Variants in LATS2 observed in about 807,000 individuals in gnomAD.
LATS2 encodes serine/threonine-protein kinase LATS2.
In LATS2, 24 loss-of-function variants were observed where a neutral mutation model predicts 76.0. The ratio of observed to expected loss-of-function variants is 0.32; its 90% CI spans 0.23 to 0.44. The LOEUF (loss-of-function observed/expected upper bound fraction) is 0.44, where lower values mean the gene tolerates loss of function less well. Ranked by LOEUF, LATS2 falls within the 20% of genes least tolerant of loss-of-function variation. The pLI is 1.00. For missense variants in LATS2, 1,286 were observed against 1,481.2 expected (o/e 0.87, Z 2.16); for synonymous variants, 692 against 635.4 (o/e 1.09, Z -1.34).
At chr13:21,049,989 C>T (rs1873207290) in intron 1 of LATS2, among the ~76,000 whole-genome samples, 1 of 151,940 alleles carries the variant, frequency 6.6e-6, no homozygotes, top group Non-Finnish European at 1.5e-5. Flanking sequence ...GGTGTGACAG[C>T]ACACCCCTGT....
rs1236096908 is a variant in LATS2, at chr13:21,045,665, C to T, written c.342+20G>A. On this transcript the variant is annotated intron_variant, in intron 2 of 7. Transcript: ENST00000382592. ...CCCATAGCTGCCTCTGCACATGGCC[C>T]TGCAGAGGTCTGTACCCACCTGGTC... 1 of 1,591,714 alleles carries T rather than the reference C, an allele frequency of 6.3e-7. No homozygotes were observed. The highest frequency in any genetic ancestry group is 1.3e-5 in the African/African-American group (1 of 74,562).
chr13:21,024,134 T>TG (rs1872207349), intron 2 of LATS2, among the ~76,000 whole-genome samples: 1 of 144,680 alleles, frequency 6.9e-6, no homozygotes, highest in Admixed American at 6.8e-5. Context: ...AAAAACAGCT[T>TG]GAAAAATAAC....
At chr13:21,017,498 A>T (rs1049695059) in intron 2 of LATS2, among the ~76,000 whole-genome samples, 1 of 152,118 alleles carries the variant, frequency 6.6e-6, no homozygotes, top group Non-Finnish European at 1.5e-5. Flanking sequence ...GTTATGTGCA[A>T]CCCACAAAAC....
At position 20,973,408 on chromosome 13, in the gene LATS2, C is replaced by A; in HGVS notation, c.*1462G>T. ...GAATAATATAATGAAAATTATGAAG[C>A]ATCAGATTTTTTAAAAAGCAAAAAA... On this transcript the variant is annotated 3_prime_UTR_variant, in exon 8 of 8. Transcript: ENST00000382592. 2 of 231,730 alleles carry A rather than the reference C, an allele frequency of 8.6e-6. No homozygotes were observed. The highest frequency in any genetic ancestry group is 6.2e-5 in the East Asian group (1 of 16,232). 14.4% of individuals were successfully genotyped at this position (231,730 alleles called of 1,614,324 possible). A position where few individuals can be genotyped will look rare whatever the true frequency, so the allele number is the denominator to read the frequency against.
Position 20,988,376 on chromosome 13 carries a change from C to A in LATS2, c.1404G>T (p.Ala468=). ...VGPSHPAWVP[A]PAPAPAPAPA... is the part of the protein sequence containing the mutation. The stretch of plus-strand genomic sequence containing the variant: ...GGGCGGGGGCGGGGGCCGGGGCAGG[C>A]GCGGGCACCCAGGCGGGGTGCGAGG... The change falls in exon 4 of 8, where the codon GCG becomes GCT. Residue 468 remains alanine (A), a synonymous_variant. Transcript: ENST00000382592. 1 of 1,208,982 alleles carries A rather than the reference C, an allele frequency of 8.3e-7. No homozygotes were observed. The highest frequency in any genetic ancestry group is 1.1e-6 in the Non-Finnish European group (1 of 941,362). The allele number at this position is 1,208,982 out of a possible 1,614,324, so 74.9% of individuals were successfully genotyped here. A position where few individuals can be genotyped will look rare whatever the true frequency, so the allele number is the denominator to read the frequency against.
At chr13:21,050,558 T>C (rs557328304) in intron 1 of LATS2, among the ~76,000 whole-genome samples, 4 of 152,348 alleles carry the variant, frequency 2.6e-5, no homozygotes, top group African/African-American at 9.6e-5. Flanking sequence ...TCAGTTGTCA[T>C]TGCTGCGTAA....
intron 2 of LATS2, among the ~76,000 whole-genome samples, chr13:20,994,415 C>A (rs1391030319): frequency 6.6e-6 from 1 of 152,238 alleles, no homozygotes; most frequent in Non-Finnish European, 1.5e-5. Context: ...TGGGAATCCA[C>A]TTCTAAATCC....
rs1595205131 is a variant in LATS2, at chr13:20,974,418, G to A, written c.*452C>T. On this transcript the variant is annotated 3_prime_UTR_variant, in exon 8 of 8. Coordinates refer to ENST00000382592, the MANE Select transcript of LATS2 (RefSeq NM_014572.3). ...TGGTCTCCGTGACATTGAGCAGAGT[G>A]TTATCTTTTTTTTTTTTTACATTAT... The A allele has an allele frequency of 1.0e-4, 22 of 220,482 alleles. No homozygotes were observed. The East Asian group carries it at 1.5e-3, about 15-fold the overall frequency. 13.7% of individuals were successfully genotyped at this position (220,482 alleles called of 1,614,324 possible).
At position 20,974,846 on chromosome 13, in the gene LATS2, G is replaced by A. The variant is rs1406164167; in HGVS notation, c.*24C>T. ...GGGACCCTGACCTGGGAGGCAGCGA[G>A]TGGTGGGGGTGCCTGGCCCCCATCT... On this transcript the variant is annotated 3_prime_UTR_variant, in exon 8 of 8. Coordinates refer to ENST00000382592, the MANE Select transcript of LATS2 (RefSeq NM_014572.3). 1.9e-6 allele frequency: 3 copies of A among 1,582,320 alleles called. No individual in the cohort carries two copies. The Admixed American group carries it at 5.3e-5, about 28-fold the overall frequency.
intron 4 of LATS2, among the ~76,000 whole-genome samples, chr13:20,986,979 G>T (rs1184637555): frequency 6.6e-6 from 1 of 152,170 alleles, no homozygotes; most frequent in African/African-American, 2.4e-5. Context: ...GATCACCTGA[G>T]GTCAAGAGTT....
chr13:21,032,464 G>C (rs890120998), intron 2 of LATS2, among the ~76,000 whole-genome samples: 3 of 151,986 alleles, frequency 2.0e-5, no homozygotes, highest in African/African-American at 7.3e-5. Context: ...ACGGGTTTTC[G>C]CCATGTTGGC....
At chr13:21,025,739 T>C (rs1359539427) in intron 2 of LATS2, among the ~76,000 whole-genome samples, 1 of 152,202 alleles carries the variant, frequency 6.6e-6, no homozygotes, top group Admixed American at 6.5e-5. Context: ...GGTTCATACA[T>C]GGTGAGGTCT....
At chr13:21,045,587 A>C in intron 2 of LATS2, 98 bp downstream of exon 2, 1 of 858,908 alleles carries the variant, frequency 1.2e-6, no homozygotes. Context: ...ATAAGTAGTA[A>C]CCAATTCAAA....
chr13:21,047,413 C>A (rs1366879435), intron 1 of LATS2, among the ~76,000 whole-genome samples: 2 of 152,170 alleles, frequency 1.3e-5, no homozygotes, highest in African/African-American at 4.8e-5. Flanking sequence ...TAACCAGCTG[C>A]TCTAACCCAG....
chr13:21,036,731 C>T (rs1458084556), intron 2 of LATS2, among the ~76,000 whole-genome samples: 2 of 152,148 alleles, frequency 1.3e-5, no homozygotes, highest in South Asian at 2.1e-4. Flanking sequence ...CAAGATGGCA[C>T]CACTGCACTC....
At chr13:20,992,784 C>T (rs2003291) in intron 2 of LATS2, among the ~76,000 whole-genome samples, 24,106 of 152,058 alleles carry the variant, frequency 0.16, 2,478 homozygotes, top group Admixed American at 0.22. Flanking sequence ...CGCCTGTAAT[C>T]CCAGCACTTT....
chr13:21,046,336 A>G (rs1873076253), intron 1 of LATS2, 106 bp from the exon 2 acceptor site: 2 of 296,738 alleles, frequency 6.7e-6, no homozygotes, highest in Admixed American at 9.4e-5. Flanking sequence ...TACCGCTTGG[A>G]AAGAAAAGAA....
At chr13:21,019,183 G>A (rs1871933900) in intron 2 of LATS2, among the ~76,000 whole-genome samples, 1 of 152,122 alleles carries the variant, frequency 6.6e-6, no homozygotes, top group Admixed American at 6.6e-5. Context: ...GACAGTGCTT[G>A]TTACCTGGTA....
intron 1 of LATS2, among the ~76,000 whole-genome samples, chr13:21,048,325 C>T (rs1287279454): frequency 1.3e-5 from 2 of 152,182 alleles, no homozygotes; most frequent in African/African-American, 4.8e-5. Flanking sequence ...TAGGAATTCA[C>T]ACAAATCACT....
Sources: gnomAD v4.1 joint callset for allele counts (sites outside exome capture counted in the v4.1 genomes callset) on GRCh38, gnomAD v4.1.1 for gene constraint, MANE v1.5 for transcripts, NCBI Gene and HGNC (gene_info 2026-07-23, HGNC 2026-07-21) for gene names.